FOXQ1: variants seen among roughly 807,000 people sequenced by gnomAD.
FOXQ1 encodes forkhead box protein Q1.
Under a neutral mutation model 0.6 loss-of-function variants are expected in FOXQ1, and 1 was observed. The ratio of observed to expected loss-of-function variants is 1.73; its 90% CI spans 0.61 to 8.20. FOXQ1 has a LOEUF of 8.20. FOXQ1 is among the 30% of genes most tolerant of loss of function. FOXQ1 has a pLI of 0.13. For synonymous variants in FOXQ1, 377 were observed against 294.4 expected (o/e 1.28, Z -2.87); for missense variants, 734 against 595.6 (o/e 1.23, Z -2.42).
Position 1,312,587 on chromosome 6 carries a change from C to T in FOXQ1, c.-118C>T. The T allele has an allele frequency of 3.2e-6, 4 of 1,244,748 alleles. No individual in the cohort carries two copies. Among genetic ancestry groups the T allele is most frequent in the Non-Finnish European group, 4.0e-6 (4 of 994,208 alleles). The allele number at this position is 1,244,748 out of a possible 1,614,324, so 77.1% of individuals were successfully genotyped here. ...TCTCGGAAGACCAGGGTAGAGCTCC[C>T]GGGAGAAAAAGGCGAAGATCCCCGG... is the stretch of plus-strand genomic sequence containing the variant. On this transcript the variant is annotated 5_prime_UTR_variant, in exon 1 of 1. Transcript: ENST00000296839.
In FOXQ1 at chr6:1,313,428, G is replaced by A. The variant is rs754212392; in HGVS notation, c.724G>A (p.Ala242Thr). 8 of 997,710 alleles carry A rather than the reference G, an allele frequency of 8.0e-6. No homozygotes were observed. The highest frequency in any genetic ancestry group is 4.9e-4 in the Middle Eastern group (1 of 2,032). 61.8% of individuals were successfully genotyped at this position (997,710 alleles called of 1,614,324 possible). A position where few individuals can be genotyped will look rare whatever the true frequency, so the allele number is the denominator to read the frequency against. Residue 242 changes from alanine to threonine, a missense_variant, in exon 1 of 1, where the codon GCG becomes ACG. Transcript: ENST00000296839. This position sits in a 1 kb window ranked among gnomAD's most constrained non-coding sequence, Gnocchi z 5.2. ...APGLPAAPPP[A>T]PAAPASPRMR... ...GGGCCTCCCCGCCGCCCCGCCGCCC[G>A]CGCCCGCCGCCCCGGCCTCGCCCCG...
Position 1,314,088 on chromosome 6 carries a change from G to C in FOXQ1, c.*172G>C. 1 of 956,594 alleles carries C rather than the reference G, an allele frequency of 1.0e-6. No homozygotes were observed. The highest frequency in any genetic ancestry group is 1.4e-6 in the Non-Finnish European group (1 of 732,492). 59.3% of individuals were successfully genotyped at this position (956,594 alleles called of 1,614,324 possible). A position where few individuals can be genotyped will look rare whatever the true frequency, so the allele number is the denominator to read the frequency against. The stretch of plus-strand genomic sequence containing the variant: ...ACAGGAGTATTTAAACTTAGTCCAG[G>C]ATATTTTCCTTTGTGTTTTATAACT... On this transcript the variant is annotated 3_prime_UTR_variant, in exon 1 of 1. Coordinates refer to ENST00000296839, the MANE Select transcript of FOXQ1 (RefSeq NM_033260.4).
In FOXQ1 at chr6:1,314,711, A is replaced by G. The variant is rs1204647860; in HGVS notation, c.*795A>G. ...TCATGTATAAATTTTATGAAACCCA[A>G]GCATAGTGCTTATTTTTTAATAAAA... On this transcript the variant is annotated 3_prime_UTR_variant, in exon 1 of 1. Coordinates refer to ENST00000296839, the MANE Select transcript of FOXQ1 (RefSeq NM_033260.4). The G allele has an allele frequency of 6.0e-6, 1 of 166,724 alleles. No homozygotes were observed. Among genetic ancestry groups the G allele is most frequent in the African/African-American group, 2.4e-5 (1 of 41,458 alleles). The allele number at this position is 166,724 out of a possible 1,614,324, so 10.3% of individuals were successfully genotyped here. A position where few individuals can be genotyped will look rare whatever the true frequency, so the allele number is the denominator to read the frequency against.
Position 1,313,947 on chromosome 6 carries a change from G to C in FOXQ1, c.*31G>C. 2.5e-6 allele frequency: 3 copies of C among 1,223,584 alleles called. No individual in the cohort carries two copies. The South Asian group carries it at 1.2e-4, about 47-fold the overall frequency. The allele number at this position is 1,223,584 out of a possible 1,614,324, so 75.8% of individuals were successfully genotyped here. A position where few individuals can be genotyped will look rare whatever the true frequency, so the allele number is the denominator to read the frequency against. On this transcript the variant is annotated 3_prime_UTR_variant, in exon 1 of 1. Coordinates refer to ENST00000296839, the MANE Select transcript of FOXQ1 (RefSeq NM_033260.4). This position sits in a 1 kb window ranked among gnomAD's most constrained non-coding sequence, Gnocchi z 5.2. ...GCCGCGGGGCCCGGGAACGCCGAGT[G>C]CGCGCCGTCGGGGAGGCGGGAACGC...
chr6:1,312,675 C>T lies in FOXQ1; in HGVS notation c.-30C>T. 7.7e-7 allele frequency: 1 copy of T among 1,300,024 alleles called. No individual in the cohort carries two copies. The highest frequency in any genetic ancestry group is 9.7e-7 in the Non-Finnish European group (1 of 1,027,430). 80.5% of individuals were successfully genotyped at this position (1,300,024 alleles called of 1,614,324 possible). ...CTAGGCTGCGCGAAGGAAGAGGGTACGACGCCGGGGAGGGACTGGGTGCGC... is the reference window on the plus strand; with the variant it reads ...CTAGGCTGCGCGAAGGAAGAGGGTATGACGCCGGGGAGGGACTGGGTGCGC... On this transcript the variant is annotated 5_prime_UTR_variant, in exon 1 of 1. It adds an upstream start codon to the 5' untranslated region. Transcript: ENST00000296839.
chr6:1,313,373 C>T lies in FOXQ1; in HGVS notation c.669C>T (p.Pro223=), dbSNP rs776633689. 9 of 1,470,792 alleles carry T rather than the reference C, an allele frequency of 6.1e-6. No individual in the cohort carries two copies. Among genetic ancestry groups the T allele is most frequent in the East Asian group, 2.9e-5 (1 of 34,786 alleles). 91.1% of individuals were successfully genotyped at this position (1,470,792 alleles called of 1,614,324 possible). ...GCCTCAGCCACCGCGCGCCGGTCCC[C>T]GCGCCCGGGCTGCGGCCCGAGGAGG... ...RKRLSHRAPV[P]APGLRPEEAP... is the part of the protein sequence containing the mutation. Residue 223 remains proline, a synonymous_variant, in exon 1 of 1, where the codon CCC becomes CCT. Transcript: ENST00000296839. The surrounding 1 kb of genome is among the most constrained non-coding windows in gnomAD (Gnocchi z 5.2).
chr6:1,313,061 G>A lies in FOXQ1; in HGVS notation c.357G>A (p.Lys119=). 6.3e-7 allele frequency: 1 copy of A among 1,599,116 alleles called. No homozygotes were observed. Among genetic ancestry groups the A allele is most frequent in the South Asian group, 1.1e-5 (1 of 90,190 alleles). ...GCAAGCCATATACGCGGCGGCCCAA[G>A]CCCCCCTACTCGTACATCGCGCTCA... ...ARSKPYTRRP[K]PPYSYIALIA... The change falls in exon 1 of 1, where the codon AAG becomes AAA. Residue 119 remains lysine, a synonymous_variant. Transcript: ENST00000296839. This position sits in a 1 kb window ranked among gnomAD's most constrained non-coding sequence, Gnocchi z 5.2.
chr6:1,312,980 G>A lies in FOXQ1; in HGVS notation c.276G>A (p.Glu92=). 1 of 1,296,734 alleles carries A rather than the reference G, an allele frequency of 7.7e-7. No individual in the cohort carries two copies. The highest frequency in any genetic ancestry group is 9.7e-7 in the Non-Finnish European group (1 of 1,025,658). The allele number at this position is 1,296,734 out of a possible 1,614,324, so 80.3% of individuals were successfully genotyped here. Reference sequence around the variant, plus strand: ...CAGCGGTGGTGGCGGAGGGCGCGGAGGCCGGGGCGGCGGGGCCAGGCGCGG... The same window carrying A: ...CAGCGGTGGTGGCGGAGGGCGCGGAAGCCGGGGCGGCGGGGCCAGGCGCGG... ...AAAAVVAEGA[E]AGAAGPGAGG... The change falls in exon 1 of 1, where the codon GAG becomes GAA. Residue 92 remains glutamate (E), a synonymous_variant. Transcript: ENST00000296839.
Position 1,312,647 on chromosome 6 carries a change from T to C in FOXQ1, c.-58T>C. ...GCCATCCCCTTCCCTGGCACCAGCTTCTCTAGGCTGCGCGAAGGAAGAGGG... is the reference window on the plus strand; with the variant it reads ...GCCATCCCCTTCCCTGGCACCAGCTCCTCTAGGCTGCGCGAAGGAAGAGGG... On this transcript the variant is annotated 5_prime_UTR_variant, in exon 1 of 1. Coordinates refer to ENST00000296839, the MANE Select transcript of FOXQ1 (RefSeq NM_033260.4). 7.8e-7 allele frequency: 1 copy of C among 1,281,604 alleles called. No homozygotes were observed. Among genetic ancestry groups the C allele is most frequent in the Admixed American group, 4.2e-5 (1 of 24,028 alleles). The allele number at this position is 1,281,604 out of a possible 1,614,324, so 79.4% of individuals were successfully genotyped here.
In FOXQ1 at chr6:1,312,274, G is replaced by A. The variant is rs1170332977; in HGVS notation, c.-431G>A. 2.0e-5 allele frequency among the ~76,000 whole-genome samples: 3 copies of A among 152,224 alleles called. No individual in the cohort carries two copies. Among genetic ancestry groups the A allele is most frequent in the Admixed American group, 2.0e-4 (3 of 15,286 alleles). ...TCCGGCACCATTTCCGTGCCCCGAA[G>A]ACGCCCGCGCGGGACCTGGGACCGC... On this transcript the variant is annotated 5_prime_UTR_variant, in exon 1 of 1. Transcript: ENST00000296839.
rs1230222522 is a variant in FOXQ1 at position 1,313,284 on chromosome 6, T to C, written c.580T>C (p.Trp194Arg). The C allele has an allele frequency of 6.2e-7, 1 of 1,609,054 alleles. No homozygotes were observed. Among genetic ancestry groups the C allele is most frequent in the Non-Finnish European group, 8.5e-7 (1 of 1,178,274 alleles). Residue 194 changes from tryptophan (W) to arginine (R), a missense_variant, in exon 1 of 1, where the codon TGG becomes CGG. Physicochemically the swap from Trp to Arg is moderately radical, Grantham distance 101. Coordinates refer to ENST00000296839, the MANE Select transcript of FOXQ1 (RefSeq NM_033260.4). This position sits in a 1 kb window ranked among gnomAD's most constrained non-coding sequence, Gnocchi z 5.2. ...GCGGCCCTGGGGCAAGGACAACTACTGGATGCTCAACCCCAACAGCGAGTA... is the reference window on the plus strand; with the variant it reads ...GCGGCCCTGGGGCAAGGACAACTACCGGATGCTCAACCCCAACAGCGAGTA... Reference protein sequence around the residue: ...PSRPWGKDNYWMLNPNSEYTF... With the variant: ...PSRPWGKDNYRMLNPNSEYTF...
At position 1,312,491 on chromosome 6, in the gene FOXQ1, A is replaced by C; in HGVS notation, c.-214A>C. 1 of 680,854 alleles carries C rather than the reference A, an allele frequency of 1.5e-6. No individual in the cohort carries two copies. The allele number at this position is 680,854 out of a possible 1,614,324, so 42.2% of individuals were successfully genotyped here. A position where few individuals can be genotyped will look rare whatever the true frequency, so the allele number is the denominator to read the frequency against. ...CACCCAACTCCTCCCTCTCCGCCCC[A>C]TAGTCCACCCAACACTTGCAGCCCC... On this transcript the variant is annotated 5_prime_UTR_variant, in exon 1 of 1. Transcript: ENST00000296839.
rs965565467 is a variant in FOXQ1, at chr6:1,313,640, C to T, written c.936C>T (p.Leu312=). 2 of 1,079,710 alleles carry T rather than the reference C, an allele frequency of 1.9e-6. No individual in the cohort carries two copies. The highest frequency in any genetic ancestry group is 2.2e-6 in the Non-Finnish European group (2 of 892,312). The allele number at this position is 1,079,710 out of a possible 1,614,324, so 66.9% of individuals were successfully genotyped here. The change falls in exon 1 of 1, where the codon CTC becomes CTT. Residue 312 remains leucine (L), a synonymous_variant. Transcript: ENST00000296839. The surrounding 1 kb of genome is among the most constrained non-coding windows in gnomAD (Gnocchi z 5.2). The part of the protein sequence containing the change: ...CPPLPAFPAL[L]PAAPCRALLP... ...CGCTGCCCGCGTTCCCCGCGCTCCT[C>T]CCCGCGGCGCCCTGCAGGGCCCTGC...
chr6:1,313,227 G>C lies in FOXQ1; in HGVS notation c.523G>C (p.Asp175His). Reference sequence around the variant, plus strand: ...CGTGCGCCACAACCTTTCGCTCAACGACTGCTTCGTCAAGGTGCTGCGCGA... The same window carrying C: ...CGTGCGCCACAACCTTTCGCTCAACCACTGCTTCGTCAAGGTGCTGCGCGA... ...NSVRHNLSLNDCFVKVLRDPS... is the reference protein window; with the variant it reads ...NSVRHNLSLNHCFVKVLRDPS... Residue 175 changes from aspartate (D) to histidine (H), a missense_variant, in exon 1 of 1, where the codon GAC (aspartate) becomes CAC (histidine). Physicochemically the swap from Asp to His is moderately conservative, Grantham distance 81. Coordinates refer to ENST00000296839, the MANE Select transcript of FOXQ1 (RefSeq NM_033260.4). The surrounding 1 kb of genome is among the most constrained non-coding windows in gnomAD (Gnocchi z 5.2). 2 of 1,609,854 alleles carry C rather than the reference G, an allele frequency of 1.2e-6. No homozygotes were observed. The highest frequency in any genetic ancestry group is 1.7e-5 in the Admixed American group (1 of 59,802).
In FOXQ1 at chr6:1,312,418, C is replaced by G. The variant is rs998321466; in HGVS notation, c.-287C>G. 3.8e-5 allele frequency: 13 copies of G among 338,966 alleles called. No individual in the cohort carries two copies. Among genetic ancestry groups the G allele is most frequent in the Non-Finnish European group, 5.7e-5 (11 of 192,294 alleles). The allele number at this position is 338,966 out of a possible 1,614,324, so 21.0% of individuals were successfully genotyped here. A position where few individuals can be genotyped will look rare whatever the true frequency, so the allele number is the denominator to read the frequency against. On this transcript the variant is annotated 5_prime_UTR_variant, in exon 1 of 1. Coordinates refer to ENST00000296839, the MANE Select transcript of FOXQ1 (RefSeq NM_033260.4). ...GCACCCGAGGGTGGAACCGCGGCCC[C>G]TGCACACACTCACCCCAAAGTCTCA...
Position 1,312,588 on chromosome 6 carries a change from G to C in FOXQ1, c.-117G>C. ...CTCGGAAGACCAGGGTAGAGCTCCC[G>C]GGAGAAAAAGGCGAAGATCCCCGGC... On this transcript the variant is annotated 5_prime_UTR_variant, in exon 1 of 1. Transcript: ENST00000296839. 8.0e-7 allele frequency: 1 copy of C among 1,244,488 alleles called. No individual in the cohort carries two copies. 77.1% of individuals were successfully genotyped at this position (1,244,488 alleles called of 1,614,324 possible). A position where few individuals can be genotyped will look rare whatever the true frequency, so the allele number is the denominator to read the frequency against.
In FOXQ1 at chr6:1,314,040, T is replaced by C. The variant is rs1757602220; in HGVS notation, c.*124T>C. ...GAATTTTTAAAATCTCCATCAAACG[T>C]GCCTTAAAGCTAAAGCATTTTGACA... On this transcript the variant is annotated 3_prime_UTR_variant, in exon 1 of 1. Transcript: ENST00000296839. The C allele has an allele frequency of 8.5e-7, 1 of 1,176,848 alleles. No homozygotes were observed. Among genetic ancestry groups the C allele is most frequent in the East Asian group, 3.4e-5 (1 of 29,088 alleles). 72.9% of individuals were successfully genotyped at this position (1,176,848 alleles called of 1,614,324 possible).
chr6:1,312,449 G>A lies in FOXQ1; in HGVS notation c.-256G>A. ...ACACTCACCCCAAAGTCTCAACGTCGAACCGAAGGCGACACCCACCCAACT... is the reference window on the plus strand; with the variant it reads ...ACACTCACCCCAAAGTCTCAACGTCAAACCGAAGGCGACACCCACCCAACT... On this transcript the variant is annotated 5_prime_UTR_variant, in exon 1 of 1. Coordinates refer to ENST00000296839, the MANE Select transcript of FOXQ1 (RefSeq NM_033260.4). 1 of 428,774 alleles carries A rather than the reference G, an allele frequency of 2.3e-6. No individual in the cohort carries two copies. Among genetic ancestry groups the A allele is most frequent in the Non-Finnish European group, 3.8e-6 (1 of 264,326 alleles). 26.6% of individuals were successfully genotyped at this position (428,774 alleles called of 1,614,324 possible).
At position 1,313,737 on chromosome 6, in the gene FOXQ1, G is replaced by C; in HGVS notation, c.1033G>C (p.Ala345Pro). The C allele has an allele frequency of 8.6e-7, 1 of 1,168,386 alleles. No individual in the cohort carries two copies. The highest frequency in any genetic ancestry group is 1.1e-6 in the Non-Finnish European group (1 of 949,516). 72.4% of individuals were successfully genotyped at this position (1,168,386 alleles called of 1,614,324 possible). A position where few individuals can be genotyped will look rare whatever the true frequency, so the allele number is the denominator to read the frequency against. ...GCGCGAGGCCGAGGTGCCACCGACC[G>C]CGCCGCCCCTCCTGCTTGCACCTCT... ...GAREAEVPPT[A>P]PPLLLAPLPA... Residue 345 changes from alanine to proline, a missense_variant, in exon 1 of 1, where the codon GCG (alanine) becomes CCG (proline). Physicochemically the swap from Ala to Pro is conservative, Grantham distance 27. Coordinates refer to ENST00000296839, the MANE Select transcript of FOXQ1 (RefSeq NM_033260.4). The surrounding 1 kb of genome is among the most constrained non-coding windows in gnomAD (Gnocchi z 5.2).
Sources: gnomAD v4.1 joint callset for allele counts (sites outside exome capture counted in the v4.1 genomes callset) on GRCh38, gnomAD v4.1.1 for gene constraint, Gnocchi (gnomAD v3.1) non-coding constraint, MANE v1.5 for transcripts, NCBI Gene and HGNC (gene_info 2026-07-23, HGNC 2026-07-21) for gene names.